ASH1L: variants seen among roughly 807,000 people sequenced by gnomAD.
ASH1L encodes histone-lysine N-methyltransferase ASH1L.
ASH1L carries 23 observed loss-of-function variants against 269.0 expected under a neutral mutation model. The observed-to-expected ratio is 0.09, with a 90% confidence interval of 0.06 to 0.12. The LOEUF (loss-of-function observed/expected upper bound fraction) is 0.12. ASH1L is among the 10% of genes least tolerant of loss of function. ASH1L has a pLI of 1.00. For missense variants in ASH1L, 2,912 were observed against 3,567.8 expected, an observed-to-expected ratio of 0.82 and a Z score of 4.68; for synonymous variants, 1,187 against 1,253.5, an observed-to-expected ratio of 0.95 and a Z score of 1.12.
At chr1:155,450,389 T>C (rs1663374523) in intron 4 of ASH1L, among the ~76,000 whole-genome samples, 1 of 152,226 alleles carries the variant, frequency 6.6e-6, no homozygotes, top group Non-Finnish European at 1.5e-5. Flanking sequence ...CAACTGCTAT[T>C]CCCAATTTGT....
chr1:155,494,630 T>C (rs547925507), intron 2 of ASH1L, among the ~76,000 whole-genome samples: 1 of 152,326 alleles, frequency 6.6e-6, no homozygotes, highest in South Asian at 2.1e-4. Flanking sequence ...TCAGCTAACA[T>C]TTTAGTAACG....
chr1:155,369,920 C>G (rs1327651802), intron 12 of ASH1L, among the ~76,000 whole-genome samples: 2 of 152,078 alleles, frequency 1.3e-5, no homozygotes, highest in African/African-American at 4.8e-5. Context: ...TAGGTGCACG[C>G]TACCATGAGT....
intron 5 of ASH1L, among the ~76,000 whole-genome samples, chr1:155,430,039 G>T (rs559627413): frequency 6.6e-6 from 1 of 151,744 alleles, no homozygotes; most frequent in East Asian, 1.9e-4. Flanking sequence ...GCACTGATGC[G>T]ATCTCAGCTC....
intron 3 of ASH1L, among the ~76,000 whole-genome samples, chr1:155,466,961 A>G (rs991970325): frequency 6.6e-6 from 1 of 150,898 alleles, no homozygotes; most frequent in African/African-American, 2.4e-5. Flanking sequence ...ACTTTTTCCA[A>G]AAAAAAAAGG....
At chr1:155,513,391 G>T (rs898084905) in intron 2 of ASH1L, among the ~76,000 whole-genome samples, 2 of 151,862 alleles carry the variant, frequency 1.3e-5, no homozygotes, top group Admixed American at 6.6e-5. Flanking sequence ...GCAACATGGT[G>T]AAACCCCCAT....
At chr1:155,396,193 A>G (rs1314532793) in intron 6 of ASH1L, 2 of 152,186 alleles carry the variant, frequency 1.3e-5, no homozygotes, top group Admixed American at 6.6e-5. Flanking sequence ...AAGAGATTTC[A>G]TAAATATATA....
intron 6 of ASH1L, among the ~76,000 whole-genome samples, chr1:155,402,199 GAAC>G (rs1658918939): frequency 6.6e-6 from 1 of 152,038 alleles, no homozygotes; most frequent in Admixed American, 6.6e-5. Context: ...AAATACTTCT[GAAC>G]ATCATCTACA....
rs925581481 is a variant in ASH1L, at chr1:155,562,777, A to G, written c.-724T>C. 5.2e-5 allele frequency: 41 copies of G among 783,722 alleles called. No homozygotes were observed. Among genetic ancestry groups the G allele is most frequent in the Non-Finnish European group, 8.3e-5 (40 of 484,230 alleles). 48.5% of individuals were successfully genotyped at this position (783,722 alleles called of 1,614,324 possible). On this transcript the variant is annotated 5_prime_UTR_variant, in exon 1 of 28. Transcript: ENST00000392403. ...GGCGCCGGCGCAGGCCCTCACGCGT[A>G]CCTTCAACGGCGCAAGCCCAAGCCT...
At chr1:155,502,245 T>C (rs1423412515) in intron 2 of ASH1L, among the ~76,000 whole-genome samples, 2 of 151,660 alleles carry the variant, frequency 1.3e-5, no homozygotes. Context: ...TAATTTTTTG[T>C]ATTTTTAGTA....
rs145489337 is a variant in ASH1L at position 155,502,399 on chromosome 1, A to G, written c.420+18701T>C. On this transcript the variant is annotated intron_variant, in intron 2 of 27. Transcript: ENST00000392403. ...GTGTATTCAAAAGCAAAATCTTAGGAATAAGGAAATAAATACTCACATTCT... is the reference window on the plus strand; with the variant it reads ...GTGTATTCAAAAGCAAAATCTTAGGGATAAGGAAATAAATACTCACATTCT... 2.9e-4 allele frequency among the ~76,000 whole-genome samples: 44 copies of G among 152,240 alleles called. 1 individual carries two copies. In the East Asian group the frequency reaches 6.5e-3, roughly 23 times the overall value.
At chr1:155,414,673 TA>T (rs770867060) in intron 6 of ASH1L, among the ~76,000 whole-genome samples, 2 of 152,240 alleles carry the variant, frequency 1.3e-5, no homozygotes, top group Non-Finnish European at 2.9e-5. Context: ...CCTCATCATA[TA>T]ATGCTTATTT....
intron 17 of ASH1L, among the ~76,000 whole-genome samples, chr1:155,352,297 C>CAAAA (rs1281473342): frequency 3.0e-3 from 84 of 27,792 alleles, no homozygotes; most frequent in Non-Finnish European, 4.0e-3. Flanking sequence ...ACCTCCATCT[C>CAAAA]AAAAAAAAAA....
rs940924498 is a variant in ASH1L at position 155,549,325 on chromosome 1, A to G, written c.-100+12828T>C. Among the ~76,000 whole-genome samples the G allele has an allele frequency of 3.9e-5, 6 of 152,290 alleles. No homozygotes were observed. The East Asian group carries it at 1.2e-3, about 29-fold the overall frequency. On this transcript the variant is annotated intron_variant, in intron 1 of 27. Transcript: ENST00000392403. ...GCCACTGCACTCTAGCCTGGATAAC[A>G]GAGAGACCCTGTCTCAAAAAAAAAC...
At chr1:155,470,630 C>T (rs1247122051) in intron 3 of ASH1L, among the ~76,000 whole-genome samples, 1 of 148,944 alleles carries the variant, frequency 6.7e-6, no homozygotes, top group African/African-American at 2.5e-5. Flanking sequence ...CGGCTCACTA[C>T]AATCTCCACC....
At chr1:155,349,709 CTTTTTTTTTT>C (rs993462774) in intron 17 of ASH1L, 113 bp from the exon 18 acceptor site, 40 of 299,428 alleles carry the variant, frequency 1.3e-4, no homozygotes, top group Non-Finnish European at 2.1e-4. Context: ...AAATCCAAGT[CTTTTTTTTTT>C]TTTTTTTTTT....
intron 6 of ASH1L, among the ~76,000 whole-genome samples, chr1:155,401,141 A>AC (rs1042532553): frequency 2.0e-5 from 3 of 151,636 alleles, no homozygotes; most frequent in African/African-American, 7.3e-5. Flanking sequence ...AGCCAGGGTG[A>AC]CAGAGTGAGA....
chr1:155,492,743 GTTT>G (rs58775424), intron 2 of ASH1L, among the ~76,000 whole-genome samples: 2 of 144,496 alleles, frequency 1.4e-5, no homozygotes, highest in South Asian at 4.4e-4. Flanking sequence ...AAACAAGTAG[GTTT>G]TTTTTTTTTC....
At chr1:155,363,686 G>T (rs1306128756) in intron 12 of ASH1L, among the ~76,000 whole-genome samples, 1 of 151,790 alleles carries the variant, frequency 6.6e-6, no homozygotes, top group Admixed American at 6.6e-5. Flanking sequence ...TTGAGACAGA[G>T]TCTTGATCTG....
At chr1:155,461,445 G>A (rs899721073) in intron 3 of ASH1L, among the ~76,000 whole-genome samples, 4 of 152,144 alleles carry the variant, frequency 2.6e-5, no homozygotes, top group African/African-American at 9.7e-5. Flanking sequence ...AATGATGACT[G>A]ATGTAGACCT....
Sources: allele counts gnomAD v4.1 joint callset (sites outside exome capture counted in the v4.1 genomes callset), GRCh38; gene constraint gnomAD v4.1.1; transcripts MANE v1.5; gene names NCBI Gene and HGNC (gene_info 2026-07-23, HGNC 2026-07-21).